LINC00305: variants seen among roughly 807,000 people sequenced by gnomAD.
LINC00305 encodes long intergenic non-protein coding RNA 305.
intron 1 of LINC00305, among the ~76,000 whole-genome samples, chr18:64,116,186 T>C (rs1485986802): frequency 1.3e-5 from 2 of 152,266 alleles, no homozygotes; most frequent in East Asian, 3.9e-4. Context: ...CCCAAAGGAA[T>C]TTGCTTTTTG....
intron 3 of LINC00305, among the ~76,000 whole-genome samples, chr18:64,082,537 G>A (rs1006291944): frequency 1.3e-5 from 2 of 152,226 alleles, no homozygotes; most frequent in African/African-American, 4.8e-5. Context: ...TATCTGGGCA[G>A]TGGGCAAGGA....
intron 1 of LINC00305, among the ~76,000 whole-genome samples, chr18:64,103,069 C>G (rs1599211972): frequency 6.6e-6 from 1 of 152,156 alleles, no homozygotes; most frequent in African/African-American, 2.4e-5. Flanking sequence ...CTCTTAATTC[C>G]TTCTTATTTG....
chr18:64,115,656 G>A (rs1250468651), intron 1 of LINC00305, among the ~76,000 whole-genome samples: 3 of 152,274 alleles, frequency 2.0e-5, no homozygotes, highest in African/African-American at 7.2e-5. Context: ...AGGCCTCAAT[G>A]TTCCTCTCAG....
intron 3 of LINC00305, among the ~76,000 whole-genome samples, chr18:64,085,072 G>A (rs1170961269): frequency 3.3e-5 from 5 of 152,190 alleles, no homozygotes; most frequent in Non-Finnish European, 2.9e-5. Context: ...CATTCGAGGA[G>A]AGTTGACTGT....
rs189264747 is a variant in LINC00305, at chr18:64,141,019, G to C, written n.314+7756C>G. Reference sequence around the variant, plus strand: ...GGAACCTCAGACCTAGCGCCGCAAGGAACCAAATTCTGCCGATAATCAGCC... The same window carrying C: ...GGAACCTCAGACCTAGCGCCGCAAGCAACCAAATTCTGCCGATAATCAGCC... On this transcript the variant is annotated intron_variant and non_coding_transcript_variant, in intron 1 of 3. Coordinates refer to ENST00000666468, the Ensembl canonical transcript of LINC00305. Among the ~76,000 whole-genome samples the C allele has an allele frequency of 3.2e-5, 4 of 125,722 alleles. No homozygotes were observed. The Admixed American group carries it at 4.1e-4, about 13-fold the overall frequency. The allele number at this position is 125,722 out of a possible 152,430, so 82.5% of individuals were successfully genotyped here. A position where few individuals can be genotyped will look rare whatever the true frequency, so the allele number is the denominator to read the frequency against.
chr18:64,100,655 T>C (rs1013073853), intron 1 of LINC00305, among the ~76,000 whole-genome samples: 2 of 152,244 alleles, frequency 1.3e-5, no homozygotes, highest in African/African-American at 4.8e-5. Context: ...TCTCTTTTTT[T>C]CTCTGGCAAA....
intron 1 of LINC00305, among the ~76,000 whole-genome samples, chr18:64,130,947 T>C (rs537289570): frequency 6.6e-6 from 1 of 152,178 alleles, no homozygotes; most frequent in African/African-American, 2.4e-5. Context: ...GGCTTTAGTC[T>C]GTAGGTAAAG....
At chr18:64,103,607 G>C (rs1405318315) in intron 1 of LINC00305, among the ~76,000 whole-genome samples, 3 of 152,076 alleles carry the variant, frequency 2.0e-5, no homozygotes, top group Non-Finnish European at 4.4e-5. Flanking sequence ...TTTTCTTGTA[G>C]AATATTATAC....
intron 3 of LINC00305, among the ~76,000 whole-genome samples, chr18:64,092,068 A>G (rs2051226791): frequency 6.6e-6 from 1 of 152,220 alleles, no homozygotes; most frequent in Non-Finnish European, 1.5e-5. Context: ...TAGGAAACTT[A>G]AATATGTTTG....
intron 1 of LINC00305, chr18:64,139,325 T>C (rs1313067918): frequency 6.6e-6 from 1 of 152,228 alleles, no homozygotes; most frequent in Non-Finnish European, 1.5e-5. Flanking sequence ...TAGGTGAGGA[T>C]ACATTCAAAT....
intron 1 of LINC00305, among the ~76,000 whole-genome samples, chr18:64,122,829 A>G (rs995601568): frequency 6.6e-6 from 1 of 151,986 alleles, no homozygotes; most frequent in African/African-American, 2.4e-5. Context: ...TGAGCAGGAG[A>G]TGTTTTTCCA....
intron 3 of LINC00305, among the ~76,000 whole-genome samples, chr18:64,088,828 G>C (rs2051214061): frequency 6.6e-6 from 1 of 152,116 alleles, no homozygotes; most frequent in Non-Finnish European, 1.5e-5. Flanking sequence ...AATGAGAGGT[G>C]ATATTTAATA....
intron 1 of LINC00305, among the ~76,000 whole-genome samples, chr18:64,133,801 A>G (rs2051420614): frequency 1.3e-5 from 2 of 152,188 alleles, no homozygotes; most frequent in African/African-American, 2.4e-5. Context: ...AGGTCTTTCA[A>G]CATGTCATTT....
chr18:64,131,198 C>T (rs746570724), intron 1 of LINC00305, among the ~76,000 whole-genome samples: 36 of 152,170 alleles, frequency 2.4e-4, no homozygotes, highest in Non-Finnish European at 4.1e-4. Context: ...AAAAGAGTTT[C>T]TTTTTAAACA....
At position 64,098,823 on chromosome 18, in the gene LINC00305, C is replaced by T. The variant is rs116967920; in HGVS notation, n.315-183G>A. Among the ~76,000 whole-genome samples the T allele has an allele frequency of 4.9e-4, 74 of 152,192 alleles. 1 individual carries two copies. In the East Asian group the frequency reaches 0.013, roughly 27 times the overall value. On this transcript the variant is annotated intron_variant and non_coding_transcript_variant, in intron 1 of 3. Coordinates refer to ENST00000666468, the Ensembl canonical transcript of LINC00305. ...TTTGCACCCAGCCTGGTTTAGATGA[C>T]CCCAAGCCTCTTTCTGAAGTTATGT...
chr18:64,110,602 C>A (rs917577873), intron 1 of LINC00305, among the ~76,000 whole-genome samples: 2 of 152,126 alleles, frequency 1.3e-5, no homozygotes, highest in Non-Finnish European at 2.9e-5. Flanking sequence ...GATACTGGCA[C>A]AGAGGACTTG....
chr18:64,148,647 T>G (rs2051509890), intron 1 of LINC00305: 1 of 152,226 alleles, frequency 6.6e-6, no homozygotes, highest in Non-Finnish European at 1.5e-5. Flanking sequence ...CTTTCTTGGC[T>G]ATTCTTTTTC....
intron 3 of LINC00305, among the ~76,000 whole-genome samples, chr18:64,096,011 A>G (rs1053557715): frequency 1.5e-4 from 23 of 152,090 alleles, no homozygotes; most frequent in African/African-American, 5.5e-4. Context: ...GAATTCTCAC[A>G]GAGTTCTGTA....
chr18:64,112,584 A>G (rs2051319792), intron 1 of LINC00305, among the ~76,000 whole-genome samples: 1 of 152,180 alleles, frequency 6.6e-6, no homozygotes, highest in Non-Finnish European at 1.5e-5. Flanking sequence ...GTTGATCTTG[A>G]TAAGCAAGAT....
Sources: gnomAD v4.1 joint callset for allele counts (sites outside exome capture counted in the v4.1 genomes callset) on GRCh38, gnomAD v4.1.1 for gene constraint, MANE v1.5 for transcripts, NCBI Gene and HGNC (gene_info 2026-07-23, HGNC 2026-07-21) for gene names.